CUX1: variants seen among roughly 807,000 people sequenced by gnomAD.
The protein encoded by CUX1 is cut like homeobox 1, also known as protein CASP.
CUX1 carries 31 observed loss-of-function variants against 158.8 expected under a neutral mutation model. That is an observed-to-expected ratio of 0.20 (90% CI 0.15 to 0.26). The LOEUF is 0.26. Ranked by LOEUF, CUX1 falls within the 10% of genes least tolerant of loss-of-function variation. The pLI, the probability that CUX1 is intolerant of heterozygous loss-of-function variation, is 1.00. For synonymous variants in CUX1, 879 were observed against 862.1 expected (o/e 1.02, Z -0.34); for missense variants, 1,589 against 2,014.6 (o/e 0.79, Z 4.04).
At chr7:102,222,334 G>C (rs964408212) in intron 20 of CUX1, among the ~76,000 whole-genome samples, 1 of 152,158 alleles carries the variant, frequency 6.6e-6, no homozygotes, top group East Asian at 1.9e-4. Context: ...CTGCAATTCA[G>C]AATCACGTGG....
chr7:102,127,432 T>C (rs1345964562), intron 8 of CUX1, among the ~76,000 whole-genome samples: 2 of 152,154 alleles, frequency 1.3e-5, no homozygotes, highest in Admixed American at 1.3e-4. Flanking sequence ...TTTGAACTCC[T>C]GGGCTCAAAC....
At chr7:101,819,092 G>T (rs1280461439) in intron 1 of CUX1, 6 of 152,198 alleles carry the variant, frequency 3.9e-5, no homozygotes, top group Non-Finnish European at 8.8e-5. Flanking sequence ...CTCAGGAAGA[G>T]AATTTCTGAA....
At chr7:102,150,717 C>T (rs2131497308) in intron 8 of CUX1, among the ~76,000 whole-genome samples, 1 of 152,320 alleles carries the variant, frequency 6.6e-6, no homozygotes, top group East Asian at 1.9e-4. Flanking sequence ...TCGACCTTGA[C>T]CATGTCCTTT....
chr7:102,023,919 A>G (rs1003302761), intron 2 of CUX1, among the ~76,000 whole-genome samples: 11 of 152,230 alleles, frequency 7.2e-5, no homozygotes, highest in African/African-American at 2.7e-4. Flanking sequence ...GTTAGGAGAC[A>G]TGAATATGCT....
chr7:102,129,633 G>A (rs1833009486), intron 8 of CUX1, among the ~76,000 whole-genome samples: 1 of 152,166 alleles, frequency 6.6e-6, no homozygotes, highest in African/African-American at 2.4e-5. Flanking sequence ...GCAGTGAGCC[G>A]AGATTGTGCC....
At chr7:101,986,894 C>T (rs1164455414) in intron 2 of CUX1, among the ~76,000 whole-genome samples, 1 of 152,152 alleles carries the variant, frequency 6.6e-6, no homozygotes, top group Non-Finnish European at 1.5e-5. Context: ...TTCAGTGGCT[C>T]CCTGTGGCCT....
chr7:102,028,009 G>A lies in CUX1; in HGVS notation c.142-89G>A. The A allele has an allele frequency of 3.6e-6, 5 of 1,388,818 alleles. No individual in the cohort carries two copies. In the South Asian group the frequency reaches 4.8e-5, roughly 13 times the overall value. 86.0% of individuals were successfully genotyped at this position (1,388,818 alleles called of 1,614,324 possible). A position where few individuals can be genotyped will look rare whatever the true frequency, so the allele number is the denominator to read the frequency against. On this transcript the variant is annotated intron_variant, in intron 2 of 23. Transcript: ENST00000292535. The stretch of plus-strand genomic sequence containing the variant: ...TAGATAGTGATAATTAGCACTGACT[G>A]CCACGCTGTTTTTAGGAGGCCTTAA...
intron 2 of CUX1, among the ~76,000 whole-genome samples, chr7:101,972,698 G>C (rs1295612319): frequency 6.6e-6 from 1 of 152,214 alleles, no homozygotes; most frequent in East Asian, 1.9e-4. Flanking sequence ...CTCCCTGTCG[G>C]GGAAGGACTC....
intron 2 of CUX1, among the ~76,000 whole-genome samples, chr7:102,019,677 A>G (rs956173458): frequency 1.3e-5 from 2 of 152,008 alleles, no homozygotes; most frequent in Non-Finnish European, 1.5e-5. Context: ...CAGTCCCCCA[A>G]AGCCAGCCCT....
At chr7:102,060,904 G>A (rs12538702) in intron 3 of CUX1, among the ~76,000 whole-genome samples, 19,416 of 134,474 alleles carry the variant, frequency 0.14, 1,474 homozygotes, top group Middle Eastern at 0.23. Context: ...GAACCACCGC[G>A]CCTGGCCTTT....
intron 8 of CUX1, among the ~76,000 whole-genome samples, chr7:102,117,163 C>T (rs1338862319): frequency 6.6e-6 from 1 of 151,876 alleles, no homozygotes; most frequent in Non-Finnish European, 1.5e-5. Context: ...TTTGGGAGGC[C>T]GAGGCAGGTG....
rs112808173 is a variant in CUX1 at position 101,964,073 on chromosome 7, C to T, written c.141+47848C>T. Reference sequence around the variant, plus strand: ...ACATCAAGAAATGACAAGGCGGTACCGGGCACAGTGGCTTATGCCTGTAAT... The same window carrying T: ...ACATCAAGAAATGACAAGGCGGTACTGGGCACAGTGGCTTATGCCTGTAAT... On this transcript the variant is annotated intron_variant, in intron 2 of 23. Coordinates refer to ENST00000292535, the MANE Select transcript of CUX1 (RefSeq NM_181552.4). 1.4e-4 allele frequency among the ~76,000 whole-genome samples: 22 copies of T among 152,230 alleles called. 1 individual carries two copies. Among genetic ancestry groups the T allele is most frequent in the African/African-American group, 2.6e-4 (11 of 41,554 alleles).
At chr7:102,140,234 TTTTG>T (rs564626379) in intron 8 of CUX1, among the ~76,000 whole-genome samples, 74 of 152,120 alleles carry the variant, frequency 4.9e-4, no homozygotes, top group East Asian at 2.5e-3. Flanking sequence ...GGGTTTGTTT[TTTTG>T]TTTGTTTGTT....
chr7:101,853,683 C>T (rs1411740947), intron 1 of CUX1, among the ~76,000 whole-genome samples: 1 of 151,352 alleles, frequency 6.6e-6, no homozygotes, highest in African/African-American at 2.4e-5. Flanking sequence ...TGTCTAGTTG[C>T]GGGGAGCCCC....
At chr7:102,163,878 T>C (rs1198280060) in intron 9 of CUX1, among the ~76,000 whole-genome samples, 2 of 152,178 alleles carry the variant, frequency 1.3e-5, no homozygotes, top group African/African-American at 2.4e-5. Context: ...GTAGTTAGAA[T>C]GTTCTACGGA....
At chr7:101,946,359 C>T (rs773079504) in intron 2 of CUX1, among the ~76,000 whole-genome samples, 3 of 152,154 alleles carry the variant, frequency 2.0e-5, no homozygotes, top group African/African-American at 4.8e-5. Flanking sequence ...ACCTGGCCAA[C>T]GTGGTGAAAC....
intron 2 of CUX1, among the ~76,000 whole-genome samples, chr7:102,026,051 C>T (rs1202107983): frequency 5.9e-5 from 9 of 151,940 alleles, no homozygotes; most frequent in East Asian, 1.9e-4. Context: ...TGATGGTGTG[C>T]GCCTGTAGTC....
At chr7:101,837,458 C>T (rs898115917) in intron 1 of CUX1, among the ~76,000 whole-genome samples, 1 of 152,030 alleles carries the variant, frequency 6.6e-6, no homozygotes, top group Non-Finnish European at 1.5e-5. Flanking sequence ...TGGATAGAAA[C>T]GAGCTCAATT....
At chr7:102,171,474 G>A (rs1554510417) in intron 10 of CUX1, among the ~76,000 whole-genome samples, 1 of 149,412 alleles carries the variant, frequency 6.7e-6, no homozygotes, top group East Asian at 1.9e-4. Flanking sequence ...CTAAGACAAG[G>A]TCTCTCTCTG....
Sources: gnomAD v4.1 joint callset for allele counts (sites outside exome capture counted in the v4.1 genomes callset) on GRCh38, gnomAD v4.1.1 for gene constraint, MANE v1.5 for transcripts, NCBI Gene and HGNC (gene_info 2026-07-23, HGNC 2026-07-21) for gene names.